The following STEAP1B variants were observed in gnomAD, a reference collection of about 807,000 sequenced individuals.
The protein encoded by STEAP1B is STEAP family protein MGC87042.
A neutral mutation model predicts 27.9 loss-of-function variants in STEAP1B; 13 were observed. That is an observed-to-expected ratio of 0.47 (90% CI 0.30 to 0.74). STEAP1B has a LOEUF of 0.74. Among genes scored for constraint, STEAP1B ranks in the 30% least tolerant of loss-of-function variants. The probability of loss-of-function intolerance (pLI) is 0.06; values close to 1 mark genes in which losing one functional copy is unlikely to be tolerated. For missense variants in STEAP1B, 250 were observed against 298.7 expected (o/e 0.84, Z 1.20); for synonymous variants, 86 against 107.1 (o/e 0.80, Z 1.22).
At chr7:22,467,688 A>G (rs574467953) in intron 4 of STEAP1B, among the ~76,000 whole-genome samples, 3 of 152,288 alleles carry the variant, frequency 2.0e-5, no homozygotes, top group Non-Finnish European at 4.4e-5. Context: ...GTCTGCTGCC[A>G]TGTGAGACGT....
chr7:22,471,105 T>G (rs761196968), intron 4 of STEAP1B, among the ~76,000 whole-genome samples: 3 of 152,158 alleles, frequency 2.0e-5, no homozygotes, highest in Non-Finnish European at 4.4e-5. Flanking sequence ...AGTCAGCATT[T>G]CCTACGGAGT....
At chr7:22,431,604 C>T (rs1165469865) in intron 4 of STEAP1B, among the ~76,000 whole-genome samples, 1 of 152,226 alleles carries the variant, frequency 6.6e-6, no homozygotes, top group Admixed American at 6.5e-5. Flanking sequence ...TTGACCTTCA[C>T]CTTTGCTCCA....
At chr7:22,440,416 A>G (rs2528849) in intron 4 of STEAP1B, among the ~76,000 whole-genome samples, 80,278 of 152,024 alleles carry the variant, frequency 0.53, 21,950 homozygotes, top group African/African-American at 0.66. Context: ...ATTTTGTAAT[A>G]TCTGATGGGG....
intron 1 of STEAP1B, among the ~76,000 whole-genome samples, chr7:22,499,471 C>A (rs1786498865): frequency 1.3e-5 from 2 of 151,908 alleles, no homozygotes; most frequent in South Asian, 2.1e-4. Flanking sequence ...TTTTATTACA[C>A]GTCAGGATGT....
intron 4 of STEAP1B, among the ~76,000 whole-genome samples, chr7:22,464,263 C>T (rs1333856512): frequency 6.6e-6 from 1 of 152,142 alleles, no homozygotes; most frequent in East Asian, 1.9e-4. Flanking sequence ...AGCTACAAAC[C>T]CTCTCCAGTG....
chr7:22,500,105 G>C lies in STEAP1B; in HGVS notation c.-32+9C>G, dbSNP rs1185786079. On this transcript the variant is annotated intron_variant, in intron 1 of 4. Coordinates refer to ENST00000678116, the MANE Select transcript of STEAP1B (RefSeq NM_001382447.1). ...CAAACGGCCAGTGAGAACGATTCAA[G>C]GGACTCACCCACTCCTCGCCGTAGC... 1 of 153,400 alleles carries C rather than the reference G, an allele frequency of 6.5e-6. No homozygotes were observed. The highest frequency in any genetic ancestry group is 1.9e-4 in the East Asian group (1 of 5,192). The allele number at this position is 153,400 out of a possible 1,614,324, so 9.5% of individuals were successfully genotyped here. A position where few individuals can be genotyped will look rare whatever the true frequency, so the allele number is the denominator to read the frequency against.
intron 4 of STEAP1B, among the ~76,000 whole-genome samples, chr7:22,440,630 AC>A (rs2128401854): frequency 6.6e-6 from 1 of 152,312 alleles, no homozygotes; most frequent in South Asian, 2.1e-4. Context: ...AATATTTTGG[AC>A]CACAAAAAAG....
intron 4 of STEAP1B, among the ~76,000 whole-genome samples, chr7:22,488,059 C>T (rs1450682193): frequency 2.6e-5 from 4 of 152,122 alleles, no homozygotes; most frequent in Non-Finnish European, 5.9e-5. Flanking sequence ...CACGCCACCC[C>T]AGAAACTGCT....
intron 4 of STEAP1B, among the ~76,000 whole-genome samples, chr7:22,471,368 G>A (rs62447137): frequency 0.19 from 28,600 of 152,106 alleles, 2,916 homozygotes; most frequent in East Asian, 0.38. Context: ...AAATGACTCC[G>A]ATCCCTGAAA....
At chr7:22,439,837 C>T (rs1785305551) in intron 4 of STEAP1B, among the ~76,000 whole-genome samples, 1 of 151,960 alleles carries the variant, frequency 6.6e-6, no homozygotes, top group Non-Finnish European at 1.5e-5. Context: ...ATGAAGTATC[C>T]AACCACCCTC....
At chr7:22,479,336 C>T (rs1303007120) in intron 4 of STEAP1B, among the ~76,000 whole-genome samples, 1 of 152,180 alleles carries the variant, frequency 6.6e-6, no homozygotes, top group Non-Finnish European at 1.5e-5. Flanking sequence ...CGAGAATCCT[C>T]GCTGCCTGCC....
At chr7:22,499,217 T>A (rs955174529) in intron 1 of STEAP1B, among the ~76,000 whole-genome samples, 1 of 152,258 alleles carries the variant, frequency 6.6e-6, no homozygotes, top group African/African-American at 2.4e-5. Context: ...CTGGTGTTCC[T>A]AAATGTTGGC....
intron 4 of STEAP1B, among the ~76,000 whole-genome samples, chr7:22,474,362 T>C (rs1785936119): frequency 6.6e-6 from 1 of 152,172 alleles, no homozygotes; most frequent in African/African-American, 2.4e-5. Context: ...GAGATTCTGA[T>C]ATTACATATC....
At chr7:22,448,489 T>C (rs538596699) in intron 4 of STEAP1B, among the ~76,000 whole-genome samples, 2 of 152,338 alleles carry the variant, frequency 1.3e-5, no homozygotes, top group South Asian at 4.1e-4. Flanking sequence ...ATCATTCTAT[T>C]ATAATTCTGT....
intron 4 of STEAP1B, among the ~76,000 whole-genome samples, chr7:22,487,187 A>G (rs1359319006): frequency 6.6e-6 from 1 of 152,178 alleles, no homozygotes; most frequent in Non-Finnish European, 1.5e-5. Flanking sequence ...AAATCCCAGC[A>G]CTTTAGGAGA....
chr7:22,478,447 C>T (rs1032731167), intron 4 of STEAP1B, among the ~76,000 whole-genome samples: 1 of 152,200 alleles, frequency 6.6e-6, no homozygotes, highest in Non-Finnish European at 1.5e-5. Context: ...CTGCACCTTT[C>T]TTTAACACAG....
intron 4 of STEAP1B, among the ~76,000 whole-genome samples, chr7:22,441,514 G>T (rs1012052809): frequency 6.6e-6 from 1 of 152,204 alleles, no homozygotes; most frequent in Non-Finnish European, 1.5e-5. Context: ...AGTCGCAAAT[G>T]TAAGAAGCGA....
intron 4 of STEAP1B, among the ~76,000 whole-genome samples, chr7:22,450,628 G>C (rs559652139): frequency 7.8e-6 from 1 of 128,856 alleles, no homozygotes; most frequent in South Asian, 2.7e-4. Context: ...GGATGGCTTT[G>C]GCCATGGGTC....
chr7:22,461,881 A>G (rs893760956), intron 4 of STEAP1B, among the ~76,000 whole-genome samples: 1 of 152,180 alleles, frequency 6.6e-6, no homozygotes, highest in African/African-American at 2.4e-5. Flanking sequence ...TCACGTATAA[A>G]ATGGGGATTA....
Sources: gnomAD v4.1 joint callset for allele counts (sites outside exome capture counted in the v4.1 genomes callset) on GRCh38, gnomAD v4.1.1 for gene constraint, MANE v1.5 for transcripts, NCBI Gene and HGNC (gene_info 2026-07-23, HGNC 2026-07-21) for gene names.